Variants in RPTOR observed in about 807,000 individuals in gnomAD.
The protein encoded by RPTOR is regulatory-associated protein of mTOR.
Under a neutral mutation model 169.9 loss-of-function variants are expected in RPTOR, and 21 were observed. The ratio of observed to expected loss-of-function variants is 0.12; its 90% CI spans 0.09 to 0.18. The LOEUF (loss-of-function observed/expected upper bound fraction) is 0.18, where lower values mean the gene tolerates loss of function less well. RPTOR is among the 10% of genes least tolerant of loss of function. The pLI is 1.00. For synonymous variants in RPTOR, 732 were observed against 753.2 expected (o/e 0.97, Z 0.46); for missense variants, 1,133 against 1,855.9 (o/e 0.61, Z 7.16).
intron 3 of RPTOR, among the ~76,000 whole-genome samples, chr17:80,669,917 C>T (rs2065809166): frequency 1.3e-5 from 2 of 152,202 alleles, no homozygotes. Context: ...CCTCTTTAGG[C>T]CTGGCCTCTG....
chr17:80,689,163 C>G (rs1194279510), intron 3 of RPTOR, among the ~76,000 whole-genome samples: 1 of 152,200 alleles, frequency 6.6e-6, no homozygotes, highest in Non-Finnish European at 1.5e-5. Context: ...GACAGGACTA[C>G]CTTATGAAGT....
At chr17:80,890,366 G>A (rs1024005122) in intron 17 of RPTOR, among the ~76,000 whole-genome samples, 11 of 152,250 alleles carry the variant, frequency 7.2e-5, no homozygotes, top group South Asian at 2.1e-4. Context: ...CGGAGGCCCC[G>A]TCTCGGCAGT....
intron 11 of RPTOR, among the ~76,000 whole-genome samples, chr17:80,849,160 AG>A (rs1278992838): frequency 5.3e-5 from 8 of 152,202 alleles, no homozygotes; most frequent in Non-Finnish European, 1.0e-4. Context: ...TTCTCTTAAA[AG>A]CCTTTATTTT....
chr17:80,737,943 T>A (rs2066448174), intron 5 of RPTOR, among the ~76,000 whole-genome samples: 1 of 152,066 alleles, frequency 6.6e-6, no homozygotes, highest in African/African-American at 2.4e-5. Flanking sequence ...TAGAAACCCC[T>A]TTAATTGGAA....
chr17:80,891,950 C>A lies in RPTOR; in HGVS notation c.2101+113C>A, dbSNP rs774180926. 1.3e-5 allele frequency: 8 copies of A among 634,646 alleles called. No individual in the cohort carries two copies. In the Admixed American group the frequency reaches 1.6e-4, roughly 13 times the overall value. 39.3% of individuals were successfully genotyped at this position (634,646 alleles called of 1,614,324 possible). On this transcript the variant is annotated intron_variant, in intron 18 of 33. Transcript: ENST00000306801. ...AGTCTAAGCGCAGGTTTCTCAGATA[C>A]CTGCCGCAAGGGGTCCCTGTTTTTC...
intron 1 of RPTOR, among the ~76,000 whole-genome samples, chr17:80,604,934 T>C (rs995780382): frequency 2.9e-5 from 3 of 101,714 alleles, no homozygotes; most frequent in East Asian, 3.7e-4. Flanking sequence ...TTTTTCCCCT[T>C]TTTTTTTTGA....
Position 80,960,624 on chromosome 17 carries a change from C to T in RPTOR, c.3605+419C>T, listed in dbSNP as rs1226240544. 2 of 236,024 alleles carry T rather than the reference C, an allele frequency of 8.5e-6. No individual in the cohort carries two copies. Among genetic ancestry groups the T allele is most frequent in the Admixed American group, 4.7e-5 (1 of 21,066 alleles). The allele number at this position is 236,024 out of a possible 1,614,324, so 14.6% of individuals were successfully genotyped here. ...CTGGGGAGGGATGTCTGAGGGCACA[C>T]ACGTGGGCACAGCAGCCCTGGGCAC... On this transcript the variant is annotated intron_variant, in intron 30 of 33. Coordinates refer to ENST00000306801, the MANE Select transcript of RPTOR (RefSeq NM_020761.3). The surrounding 1 kb of genome is among the most constrained non-coding windows in gnomAD (Gnocchi z 4.8).
At chr17:80,625,231 G>A (rs576257880) in intron 1 of RPTOR, among the ~76,000 whole-genome samples, 1 of 152,310 alleles carries the variant, frequency 6.6e-6, no homozygotes, top group Non-Finnish European at 1.5e-5. Flanking sequence ...TGATGTGAAC[G>A]AATGTAAACT....
intron 3 of RPTOR, among the ~76,000 whole-genome samples, chr17:80,692,279 G>T (rs573226130): frequency 3.7e-4 from 3 of 8,122 alleles, no homozygotes; most frequent in African/African-American, 7.2e-4. Flanking sequence ...GTCTGGCTAC[G>T]TTATGTTATG....
rs1380688306 is a variant in RPTOR, at chr17:80,700,526, GTGGTGGTGGTGATGATGA to G, written c.349-7300_349-7283del. Among the ~76,000 whole-genome samples, 20 of 119,994 alleles carry G rather than the reference GTGGTGGTGGTGATGATGA, an allele frequency of 1.7e-4. No individual in the cohort carries two copies. The East Asian group carries it at 2.6e-3, about 16-fold the overall frequency. 78.7% of individuals were successfully genotyped at this position (119,994 alleles called of 152,430 possible). A position where few individuals can be genotyped will look rare whatever the true frequency, so the allele number is the denominator to read the frequency against. ...GATGATGGTGATGGTGATGGTGGTG[GTGGTGGTGGTGATGATGA>G]TGGTGGTGGTGATGGTAGAGATGAT... is the stretch of plus-strand genomic sequence containing the variant. On this transcript the variant is annotated intron_variant, in intron 3 of 33. Coordinates refer to ENST00000306801, the MANE Select transcript of RPTOR (RefSeq NM_020761.3).
In RPTOR at chr17:80,845,202, C is replaced by G. The variant is rs2067714642; in HGVS notation, c.1213-1271C>G. On this transcript the variant is annotated intron_variant, in intron 10 of 33. Transcript: ENST00000306801. This position sits in a 1 kb window ranked among gnomAD's most constrained non-coding sequence, Gnocchi z 5.4. ...GCTCCATGGCACCCAGGCGAATCCC[C>G]CTCCACTCTGTGCCTGCACTCACGT... is the stretch of plus-strand genomic sequence containing the variant. Among the ~76,000 whole-genome samples the G allele has an allele frequency of 6.6e-6, 1 of 152,152 alleles. No homozygotes were observed. Among genetic ancestry groups the G allele is most frequent in the African/African-American group, 2.4e-5 (1 of 41,444 alleles).
Position 80,792,172 on chromosome 17 carries a change from G to A in RPTOR, c.890+663G>A, listed in dbSNP as rs1048750824. ...CCGGATTCATCGTGACTCATCCTGA[G>A]TCATCCAGGCAGTATGGAAGAACTT... On this transcript the variant is annotated intron_variant, in intron 7 of 33. Transcript: ENST00000306801. Among the ~76,000 whole-genome samples, 25 of 152,244 alleles carry A rather than the reference G, an allele frequency of 1.6e-4. No individual in the cohort carries two copies. In the South Asian group the frequency reaches 2.1e-3, roughly 13 times the overall value.
At chr17:80,634,603 CTGTGTGT>C (rs1567831217) in intron 2 of RPTOR, among the ~76,000 whole-genome samples, 1,171 of 26,072 alleles carry the variant, frequency 0.045, 230 homozygotes, top group African/African-American at 0.061. Flanking sequence ...TGTGTGCGTA[CTGTGTGT>C]GTACTGTGTG....
intron 1 of RPTOR, among the ~76,000 whole-genome samples, chr17:80,586,901 C>T (rs1458845432): frequency 6.6e-6 from 1 of 152,238 alleles, no homozygotes; most frequent in Non-Finnish European, 1.5e-5. Flanking sequence ...TGGATTTTCA[C>T]GGGCTCGCTG....
At chr17:80,785,023 A>T (rs962913113) in intron 6 of RPTOR, among the ~76,000 whole-genome samples, 2 of 152,302 alleles carry the variant, frequency 1.3e-5, no homozygotes, top group African/African-American at 4.8e-5. Context: ...TGCCACTCTG[A>T]GCTATATTTG....
chr17:80,635,160 C>T (rs2065496709), intron 2 of RPTOR, among the ~76,000 whole-genome samples: 1 of 152,156 alleles, frequency 6.6e-6, no homozygotes, highest in African/African-American at 2.4e-5. Flanking sequence ...ATTGCTGCTC[C>T]TCTCAGACCC....
At chr17:80,557,010 C>T (rs9890464) in intron 1 of RPTOR, among the ~76,000 whole-genome samples, 67,554 of 151,656 alleles carry the variant, frequency 0.45, 15,285 homozygotes, top group Middle Eastern at 0.5. Context: ...GCAGGAGAAT[C>T]GCTTGAACTC....
intron 7 of RPTOR, among the ~76,000 whole-genome samples, chr17:80,810,764 A>G (rs773508052): frequency 1.3e-5 from 2 of 152,238 alleles, no homozygotes; most frequent in Non-Finnish European, 2.9e-5. Flanking sequence ...ACCCATGCAC[A>G]TAGTGGCTTC....
intron 1 of RPTOR, among the ~76,000 whole-genome samples, chr17:80,579,643 T>A (rs2143352419): frequency 1.3e-5 from 2 of 152,358 alleles, no homozygotes; most frequent in Middle Eastern, 6.8e-3. Context: ...TCCACATCAC[T>A]GTGAGCCTGC....
Sources: allele counts gnomAD v4.1 joint callset (sites outside exome capture counted in the v4.1 genomes callset), GRCh38; gene constraint gnomAD v4.1.1; non-coding constraint Gnocchi (gnomAD v3.1); transcripts MANE v1.5; gene names NCBI Gene and HGNC (gene_info 2026-07-23, HGNC 2026-07-21).